The following FNBP1 variants were observed in gnomAD, a reference collection of about 807,000 sequenced individuals.
The protein encoded by FNBP1 is formin binding protein 1, also known as formin-binding protein 1.
A neutral mutation model predicts 90.6 loss-of-function variants in FNBP1; 26 were observed. The observed-to-expected ratio is 0.29, with a 90% confidence interval of 0.21 to 0.40. The LOEUF (loss-of-function observed/expected upper bound fraction) is 0.40. FNBP1 is among the 10% of genes least tolerant of loss of function. The probability of loss-of-function intolerance (pLI) is 1.00; values close to 1 mark genes in which losing one functional copy is unlikely to be tolerated. For synonymous variants in FNBP1, 260 were observed against 265.2 expected (o/e 0.98, Z 0.19); for missense variants, 635 against 768.0 (o/e 0.83, Z 2.05).
intron 12 of FNBP1, among the ~76,000 whole-genome samples, chr9:129,905,437 G>A (rs1438597368): frequency 7.2e-5 from 11 of 151,758 alleles, no homozygotes; most frequent in Admixed American, 7.2e-4. Flanking sequence ...TCAGCCTCCT[G>A]AGTAGCTGGG....
At chr9:129,975,858 G>A (rs1484184296) in intron 4 of FNBP1, among the ~76,000 whole-genome samples, 11 of 141,050 alleles carry the variant, frequency 7.8e-5, no homozygotes, top group East Asian at 2.2e-4. Flanking sequence ...AGGCGAGATC[G>A]TGCCACTGCA....
intron 1 of FNBP1, among the ~76,000 whole-genome samples, chr9:130,018,469 T>C (rs957935458): frequency 7.2e-5 from 11 of 152,178 alleles, no homozygotes; most frequent in Non-Finnish European, 1.6e-4. Flanking sequence ...TCTCAGGCTG[T>C]AGAGCCTACA....
At chr9:129,998,524 A>C (rs1477146148) in intron 1 of FNBP1, among the ~76,000 whole-genome samples, 1 of 151,804 alleles carries the variant, frequency 6.6e-6, no homozygotes, top group Non-Finnish European at 1.5e-5. Flanking sequence ...CAAAAAAAAA[A>C]AAACAAAAAA....
At position 129,900,221 on chromosome 9, in the gene FNBP1, G is replaced by C; in HGVS notation, c.1551-120C>G. ...GCCCCTCAGCGAGTGCTGTAACTGA[G>C]GCCATGGTAAATCATCGCACGCTCA... is the stretch of plus-strand genomic sequence containing the variant. On this transcript the variant is annotated intron_variant, in intron 14 of 16. Coordinates refer to ENST00000446176, the MANE Select transcript of FNBP1 (RefSeq NM_015033.3). This position sits in a 1 kb window ranked among gnomAD's most constrained non-coding sequence, Gnocchi z 4.1. The C allele has an allele frequency of 1.6e-6, 2 of 1,230,268 alleles. No homozygotes were observed. Among genetic ancestry groups the C allele is most frequent in the Non-Finnish European group, 2.2e-6 (2 of 910,528 alleles). 76.2% of individuals were successfully genotyped at this position (1,230,268 alleles called of 1,614,324 possible).
chr9:129,946,296 T>C (rs2045281996), intron 6 of FNBP1, among the ~76,000 whole-genome samples: 1 of 152,212 alleles, frequency 6.6e-6, no homozygotes, highest in African/African-American at 2.4e-5. Context: ...ATATGTAGAA[T>C]TAAAAAGTTA....
intron 13 of FNBP1, among the ~76,000 whole-genome samples, chr9:129,901,088 C>T (rs2036844824): frequency 6.6e-6 from 1 of 152,014 alleles, no homozygotes; most frequent in Non-Finnish European, 1.5e-5. Context: ...GCATTTGAAA[C>T]AGTATAAACA....
intron 2 of FNBP1, among the ~76,000 whole-genome samples, chr9:129,988,957 A>G (rs76566527): frequency 0.066 from 10,052 of 152,224 alleles, 446 homozygotes; most frequent in Admixed American, 0.12. Flanking sequence ...AAAGGCCACA[A>G]TGATTTTTCA....
chr9:130,051,144 A>G, the FNBP1 span, among the ~76,000 whole-genome samples: 2 of 151,946 alleles, frequency 1.3e-5, no homozygotes, highest in African/African-American at 4.8e-5. Flanking sequence ...CAGGTGATCC[A>G]CTGACCTCAG....
chr9:129,945,910 G>A (rs964831929), intron 6 of FNBP1, among the ~76,000 whole-genome samples: 1 of 152,160 alleles, frequency 6.6e-6, no homozygotes, highest in African/African-American at 2.4e-5. Flanking sequence ...GCTCACACCT[G>A]TAATCCCAGC....
intron 6 of FNBP1, among the ~76,000 whole-genome samples, chr9:129,931,668 T>A (rs2042766802): frequency 6.6e-6 from 1 of 151,022 alleles, no homozygotes; most frequent in South Asian, 2.1e-4. Flanking sequence ...TGTGGTGATG[T>A]GTGCCTGTGG....
intron 4 of FNBP1, among the ~76,000 whole-genome samples, chr9:129,973,892 C>T (rs2049895423): frequency 1.3e-5 from 2 of 151,126 alleles, no homozygotes; most frequent in African/African-American, 4.9e-5. Flanking sequence ...CTCACTGCAA[C>T]CTCCGCCTCC....
chr9:129,931,546 C>A (rs2042743006), intron 6 of FNBP1, among the ~76,000 whole-genome samples: 1 of 151,868 alleles, frequency 6.6e-6, no homozygotes, highest in Admixed American at 6.6e-5. Flanking sequence ...GCGGAGCTTG[C>A]AATGAGCCGA....
intron 1 of FNBP1, among the ~76,000 whole-genome samples, chr9:130,024,618 C>G (rs2058159610): frequency 6.6e-6 from 1 of 152,184 alleles, no homozygotes. Flanking sequence ...CAACTTCTCT[C>G]TAGGGTTTTC....
intron 11 of FNBP1, among the ~76,000 whole-genome samples, chr9:129,912,549 G>A (rs1449384669): frequency 2.6e-5 from 4 of 152,070 alleles, no homozygotes; most frequent in African/African-American, 7.2e-5. Context: ...TTAGCCAGGC[G>A]TGGTGGCGCC....
At chr9:129,951,054 C>T (rs1378577765) in intron 6 of FNBP1, among the ~76,000 whole-genome samples, 1 of 151,602 alleles carries the variant, frequency 6.6e-6, no homozygotes, top group African/African-American at 2.4e-5. Context: ...TCACTGCAAC[C>T]TCCACCTCCT....
intron 1 of FNBP1, among the ~76,000 whole-genome samples, chr9:130,040,278 T>A (rs1285047907): frequency 6.6e-6 from 1 of 152,212 alleles, no homozygotes; most frequent in Non-Finnish European, 1.5e-5. Flanking sequence ...CCTTTTCCTA[T>A]ATTAAACTGT....
intron 1 of FNBP1, among the ~76,000 whole-genome samples, chr9:130,019,538 A>G (rs2057599411): frequency 6.6e-6 from 1 of 152,188 alleles, no homozygotes; most frequent in Non-Finnish European, 1.5e-5. Context: ...CAATGAGTGA[A>G]CTTCCAAAAG....
chr9:129,934,427 C>T (rs1207774722), intron 6 of FNBP1, among the ~76,000 whole-genome samples: 1 of 152,160 alleles, frequency 6.6e-6, no homozygotes, highest in Non-Finnish European at 1.5e-5. Context: ...TCACAGACGT[C>T]TTAGAATCAG....
chr9:130,050,536 C>G, the FNBP1 span, among the ~76,000 whole-genome samples: 18 of 152,076 alleles, frequency 1.2e-4, no homozygotes, highest in Middle Eastern at 3.4e-3. Flanking sequence ...TGTTTCAAGC[C>G]AAAGAATGAA....
Sources: allele counts gnomAD v4.1 joint callset (sites outside exome capture counted in the v4.1 genomes callset), GRCh38; gene constraint gnomAD v4.1.1; non-coding constraint Gnocchi (gnomAD v3.1); transcripts MANE v1.5; gene names NCBI Gene and HGNC (gene_info 2026-07-23, HGNC 2026-07-21).